UPK1B: variants seen among roughly 807,000 people sequenced by gnomAD.
The protein encoded by UPK1B is uroplakin-1b.
In UPK1B, 28 loss-of-function variants were observed where a neutral mutation model predicts 34.2. The observed-to-expected ratio is 0.82, with a 90% confidence interval of 0.61 to 1.12. The LOEUF (loss-of-function observed/expected upper bound fraction) is 1.12. UPK1B is among the 50% of genes most tolerant of loss of function. The pLI, the probability that UPK1B is intolerant of heterozygous loss-of-function variation, is 0.00. For synonymous variants in UPK1B, 81 were observed against 110.4 expected (o/e 0.73, Z 1.67); for missense variants, 325 against 320.9 (o/e 1.01, Z -0.10).
At position 119,186,766 on chromosome 3, in the gene UPK1B, C is replaced by T. The variant is rs769296250; in HGVS notation, c.25C>T (p.Arg9Cys). ...GATGGCCAAAGACAACTCAACTGTTCGTTGCTTCCAGGGCCTGCTGATTTT... is the reference window on the plus strand; with the variant it reads ...GATGGCCAAAGACAACTCAACTGTTTGTTGCTTCCAGGGCCTGCTGATTTT... MAKDNSTV[R>C]CFQGLLIFGN... The change falls in exon 2 of 8, where the codon CGT (arginine) becomes TGT (cysteine). Residue 9 changes from arginine (R) to cysteine (C), a missense_variant. Coordinates refer to ENST00000264234, the MANE Select transcript of UPK1B (RefSeq NM_006952.4). The T allele has an allele frequency of 2.7e-5, 44 of 1,613,956 alleles. No homozygotes were observed. The highest frequency in any genetic ancestry group is 3.4e-5 in the Non-Finnish European group (40 of 1,180,004).
At chr3:119,190,779 A>C (rs2078040459) in intron 4 of UPK1B, among the ~76,000 whole-genome samples, 1 of 152,126 alleles carries the variant, frequency 6.6e-6, no homozygotes, top group South Asian at 2.1e-4. Context: ...CTGGCCTCAT[A>C]GTGATTTCTT....
intron 5 of UPK1B, among the ~76,000 whole-genome samples, chr3:119,193,707 C>T (rs1267074724): frequency 6.6e-6 from 1 of 151,966 alleles, no homozygotes; most frequent in Non-Finnish European, 1.5e-5. Context: ...TTTTATGATT[C>T]TCAATTTGCT....
In UPK1B at chr3:119,190,241, C is replaced by T. The variant is rs760004078; in HGVS notation, c.271-4C>T. The T allele has an allele frequency of 4.4e-6, 7 of 1,591,884 alleles. No individual in the cohort carries two copies. In the South Asian group the frequency reaches 8.0e-5, roughly 18 times the overall value. On this transcript the variant is annotated splice_polypyrimidine_tract_variant and splice_region_variant and intron_variant, in intron 3 of 7. Transcript: ENST00000264234. Reference sequence around the variant, plus strand: ...TTCTTTTATCTCATTTATTTCCCTTCCAGTATTTCATTCTGATGTTTATAG... The same window carrying T: ...TTCTTTTATCTCATTTATTTCCCTTTCAGTATTTCATTCTGATGTTTATAG...
chr3:119,183,428 A>G (rs149368846), intron 1 of UPK1B, among the ~76,000 whole-genome samples: 1 of 151,774 alleles, frequency 6.6e-6, no homozygotes, highest in Non-Finnish European at 1.5e-5. Flanking sequence ...TGCTCGGCTA[A>G]TTTTTGTATT....
At position 119,190,944 on chromosome 3, in the gene UPK1B, G is replaced by A. The variant is rs1368225814; in HGVS notation, c.346-38G>A. The A allele has an allele frequency of 1.9e-6, 3 of 1,607,756 alleles. No homozygotes were observed. In the South Asian group the frequency reaches 3.3e-5, roughly 18 times the overall value. On this transcript the variant is annotated intron_variant, in intron 4 of 7. Coordinates refer to ENST00000264234, the MANE Select transcript of UPK1B (RefSeq NM_006952.4). ...TTTTCCTCTCCTTGAAAATTAGCGT[G>A]CTATCTCTCCCTCTTGTGTTGCCTC... is the stretch of plus-strand genomic sequence containing the variant.
intron 1 of UPK1B, among the ~76,000 whole-genome samples, chr3:119,175,500 C>T (rs963261807): frequency 5.3e-5 from 8 of 152,074 alleles, no homozygotes; most frequent in Non-Finnish European, 1.2e-4. Flanking sequence ...GAGGGGGCAC[C>T]ATCATCACAC....
At chr3:119,178,295 C>A (rs1576865278) in intron 1 of UPK1B, among the ~76,000 whole-genome samples, 1 of 152,156 alleles carries the variant, frequency 6.6e-6, no homozygotes, top group Admixed American at 6.5e-5. Context: ...AATCTGGATT[C>A]AAAGAAACTG....
intron 5 of UPK1B, 104 bp downstream of exon 5, chr3:119,191,208 G>T: frequency 1.5e-6 from 2 of 1,328,364 alleles, no homozygotes; most frequent in African/African-American, 2.9e-5. Context: ...AAGCCATGAT[G>T]ATTAGCTTAC....
chr3:119,203,778 T>C (rs2078104743), intron 7 of UPK1B, 139 bp from the exon 8 acceptor site: 1 of 879,342 alleles, frequency 1.1e-6, no homozygotes, highest in South Asian at 1.6e-5. Context: ...GTTTTGGTTT[T>C]TTAGAAGAAA....
chr3:119,188,079 T>A, intron 3 of UPK1B, 104 bp downstream of exon 3: 1 of 1,255,952 alleles, frequency 8.0e-7, no homozygotes, highest in Non-Finnish European at 1.1e-6. Context: ...GAGCAGGAAG[T>A]ACCAGATAAG....
In UPK1B at chr3:119,179,398, TTAA is replaced by T. The variant is rs1214849929; in HGVS notation, c.-29+5762_-29+5764del. On this transcript the variant is annotated intron_variant, in intron 1 of 7. Coordinates refer to ENST00000264234, the MANE Select transcript of UPK1B (RefSeq NM_006952.4). Reference sequence around the variant, plus strand: ...ATATATATATATATATATATATATATTAATTCTAAGGAATTAACCTATGTGATG... The same window carrying T: ...ATATATATATATATATATATATATATTTCTAAGGAATTAACCTATGTGATG... Among the ~76,000 whole-genome samples, 348 of 58,816 alleles carry T rather than the reference TTAA, an allele frequency of 5.9e-3. 4 individuals are homozygous for T. Among genetic ancestry groups the T allele is most frequent in the Middle Eastern group, 0.02 (2 of 100 alleles). 38.6% of individuals were successfully genotyped at this position (58,816 alleles called of 152,430 possible). A position where few individuals can be genotyped will look rare whatever the true frequency, so the allele number is the denominator to read the frequency against.
chr3:119,199,182 A>T (rs1001746507), intron 7 of UPK1B, 42 bp downstream of exon 7: 2 of 1,607,836 alleles, frequency 1.2e-6, no homozygotes, highest in Non-Finnish European at 1.7e-6. Flanking sequence ...GAGGATGATC[A>T]TACGGAGAGA....
intron 3 of UPK1B, among the ~76,000 whole-genome samples, chr3:119,189,840 A>G (rs1452992309): frequency 6.6e-6 from 1 of 152,262 alleles, no homozygotes. Flanking sequence ...ATGAGGCCCT[A>G]TACTGTATGT....
At chr3:119,194,969 T>C (rs2078059664) in intron 6 of UPK1B, among the ~76,000 whole-genome samples, 1 of 152,202 alleles carries the variant, frequency 6.6e-6, no homozygotes, top group African/African-American at 2.4e-5. Context: ...AAACTAACAT[T>C]TATTGTGTAC....
At chr3:119,183,010 G>A (rs1021210170) in intron 1 of UPK1B, among the ~76,000 whole-genome samples, 1 of 152,184 alleles carries the variant, frequency 6.6e-6, no homozygotes, top group Non-Finnish European at 1.5e-5. Flanking sequence ...CAAGAAGCTG[G>A]AGATGTAAGT....
chr3:119,179,698 G>T (rs1445114233), intron 1 of UPK1B, among the ~76,000 whole-genome samples: 1 of 145,408 alleles, frequency 6.9e-6, no homozygotes, highest in Non-Finnish European at 1.5e-5. Flanking sequence ...TGGTAGAGTC[G>T]GGGTTTCACC....
At position 119,204,081 on chromosome 3, in the gene UPK1B, AT is replaced by A; in HGVS notation, c.*116del. 1 of 1,227,562 alleles carries A rather than the reference AT, an allele frequency of 8.1e-7. No homozygotes were observed. The highest frequency in any genetic ancestry group is 1.2e-5 in the South Asian group (1 of 80,264). The allele number at this position is 1,227,562 out of a possible 1,614,324, so 76.0% of individuals were successfully genotyped here. On this transcript the variant is annotated 3_prime_UTR_variant, in exon 8 of 8. Coordinates refer to ENST00000264234, the MANE Select transcript of UPK1B (RefSeq NM_006952.4). ...CCCCACACTAACGTGTGTGTCTTACATTGCCAAGTCAGATGGTACGGACTTC... is the reference window on the plus strand; with the variant it reads ...CCCCACACTAACGTGTGTGTCTTACATGCCAAGTCAGATGGTACGGACTTC...
At chr3:119,189,125 G>C (rs765923724) in intron 3 of UPK1B, among the ~76,000 whole-genome samples, 1 of 152,150 alleles carries the variant, frequency 6.6e-6, no homozygotes, top group African/African-American at 2.4e-5. Flanking sequence ...AGGCAAAGGG[G>C]CTAAAGGAGG....
chr3:119,182,322 A>G (rs761035029), intron 1 of UPK1B, among the ~76,000 whole-genome samples: 5 of 152,218 alleles, frequency 3.3e-5, no homozygotes, highest in South Asian at 4.1e-4. Flanking sequence ...CTGTGAGACC[A>G]GTCACTGTTA....
Sources: allele counts gnomAD v4.1 joint callset (sites outside exome capture counted in the v4.1 genomes callset), GRCh38; gene constraint gnomAD v4.1.1; transcripts MANE v1.5; gene names NCBI Gene and HGNC (gene_info 2026-07-23, HGNC 2026-07-21).